The following ULK4 variants were observed in gnomAD, a reference collection of about 807,000 sequenced individuals.
ULK4 encodes unc-51 like kinase 4.
Under a neutral mutation model 160.6 loss-of-function variants are expected in ULK4, and 133 were observed. That is an observed-to-expected ratio of 0.83 (90% CI 0.72 to 0.96). The LOEUF is 0.96. Among genes scored for constraint, ULK4 ranks in the 40% least tolerant of loss-of-function variants. The pLI, the probability that ULK4 is intolerant of heterozygous loss-of-function variation, is 0.00. For synonymous variants in ULK4, 534 were observed against 539.8 expected (o/e 0.99, Z 0.15); for missense variants, 1,580 against 1,499.5 (o/e 1.05, Z -0.89).
At chr3:41,862,796 C>A (rs548870378) in intron 17 of ULK4, among the ~76,000 whole-genome samples, 16 of 151,248 alleles carry the variant, frequency 1.1e-4, no homozygotes, top group Admixed American at 4.6e-4. Flanking sequence ...CGCTCCCCCC[C>A]CCCTTTCTCT....
chr3:41,931,701 G>T, intron 5 of ULK4, 143 bp downstream of exon 5: 1 of 1,022,440 alleles, frequency 9.8e-7, no homozygotes. Flanking sequence ...CCATTCCTAT[G>T]CCCAGACTAT....
At chr3:41,745,200 T>C (rs1389588668) in intron 22 of ULK4, among the ~76,000 whole-genome samples, 1 of 150,516 alleles carries the variant, frequency 6.6e-6, no homozygotes, top group Non-Finnish European at 1.5e-5. Context: ...AATATAAAAA[T>C]CAGGGAATGG....
At chr3:41,690,670 T>C (rs1273060729) in intron 27 of ULK4, among the ~76,000 whole-genome samples, 1 of 151,634 alleles carries the variant, frequency 6.6e-6, no homozygotes, top group Non-Finnish European at 1.5e-5. Flanking sequence ...CCCATCCCCT[T>C]TCTTCATCCA....
chr3:41,396,365 AG>A (rs1023993968), intron 35 of ULK4, among the ~76,000 whole-genome samples: 24 of 152,254 alleles, frequency 1.6e-4, no homozygotes, highest in African/African-American at 5.8e-4. Flanking sequence ...TGAGTTTCAA[AG>A]AGACTGTAGA....
At chr3:41,359,570 A>G (rs1259594113) in intron 35 of ULK4, among the ~76,000 whole-genome samples, 1 of 152,216 alleles carries the variant, frequency 6.6e-6, no homozygotes, top group African/African-American at 2.4e-5. Context: ...CCAAGGACTA[A>G]GAACTGATCA....
At chr3:41,416,152 T>C (rs905014545) in intron 34 of ULK4, among the ~76,000 whole-genome samples, 1 of 152,192 alleles carries the variant, frequency 6.6e-6, no homozygotes, top group Non-Finnish European at 1.5e-5. Context: ...GATTTGGGTC[T>C]AGGACAAGAG....
At chr3:41,649,497 C>T (rs1034282504) in intron 30 of ULK4, among the ~76,000 whole-genome samples, 13 of 152,320 alleles carry the variant, frequency 8.5e-5, no homozygotes, top group African/African-American at 2.9e-4. Context: ...GAAGTGCCTG[C>T]TCCTGCTCCC....
At chr3:41,294,097 C>G (rs2079624096) in intron 35 of ULK4, among the ~76,000 whole-genome samples, 2 of 152,168 alleles carry the variant, frequency 1.3e-5, no homozygotes. Context: ...CCCCAAAATA[C>G]GTGTTGGACA....
At chr3:41,823,109 C>A (rs76801930) in intron 18 of ULK4, among the ~76,000 whole-genome samples, 339 of 152,112 alleles carry the variant, frequency 2.2e-3, no homozygotes, top group African/African-American at 8.0e-3. Flanking sequence ...TAAGAGGTTG[C>A]AGAAAGACTG....
intron 35 of ULK4, among the ~76,000 whole-genome samples, chr3:41,310,033 C>G (rs1455990546): frequency 2.0e-5 from 3 of 152,174 alleles, no homozygotes; most frequent in Non-Finnish European, 2.9e-5. Flanking sequence ...TGGGAGAAGG[C>G]TAGAAACCTT....
chr3:41,531,493 G>GAGAAGA (rs1378245209), intron 32 of ULK4, among the ~76,000 whole-genome samples: 1 of 136,148 alleles, frequency 7.3e-6, no homozygotes, highest in South Asian at 2.3e-4. Context: ...GAGGAGAGGA[G>GAGAAGA]AGAAGAAGAA....
At chr3:41,669,229 C>A (rs947641060) in intron 29 of ULK4, among the ~76,000 whole-genome samples, 1 of 152,112 alleles carries the variant, frequency 6.6e-6, no homozygotes, top group African/African-American at 2.4e-5. Context: ...TATTAAATAC[C>A]TTTAAAATGC....
chr3:41,856,621 A>G (rs1318500814), intron 17 of ULK4, among the ~76,000 whole-genome samples: 6 of 122,878 alleles, frequency 4.9e-5, no homozygotes, highest in Non-Finnish European at 6.4e-5. Flanking sequence ...ATATACACAT[A>G]TATATATATG....
Position 41,295,757 on chromosome 3 carries a change from A to C in ULK4, c.3679-46183T>G, listed in dbSNP as rs73083818. On this transcript the variant is annotated intron_variant, in intron 35 of 36. Transcript: ENST00000301831. ...ACTACACACCTTTTAGAATGGCCCA[A>C]ATCTGGAATATTGACACATCAAATG... 2.4e-5 allele frequency among the ~76,000 whole-genome samples: 2 copies of C among 82,684 alleles called. 1 individual carries two copies. The highest frequency in any genetic ancestry group is 6.1e-5 in the Non-Finnish European group (2 of 32,940). The allele number at this position is 82,684 out of a possible 152,430, so 54.2% of individuals were successfully genotyped here.
intron 17 of ULK4, among the ~76,000 whole-genome samples, chr3:41,840,610 G>C (rs966520366): frequency 6.6e-6 from 1 of 152,238 alleles, no homozygotes; most frequent in African/African-American, 2.4e-5. Flanking sequence ...TCCTGACCTC[G>C]AGTGGTCTGC....
chr3:41,621,614 C>T (rs375736020), intron 30 of ULK4, among the ~76,000 whole-genome samples: 1 of 152,080 alleles, frequency 6.6e-6, no homozygotes, highest in African/African-American at 2.4e-5. Context: ...AAAATTAACT[C>T]GAGATGGACT....
chr3:41,379,652 A>C (rs1452875545), intron 35 of ULK4, among the ~76,000 whole-genome samples: 3 of 152,164 alleles, frequency 2.0e-5, no homozygotes, highest in African/African-American at 7.2e-5. Flanking sequence ...CATCTCCTAA[A>C]TGTTCTAAGC....
chr3:41,607,309 C>T (rs2032428584), intron 31 of ULK4, among the ~76,000 whole-genome samples: 1 of 152,084 alleles, frequency 6.6e-6, no homozygotes, highest in Non-Finnish European at 1.5e-5. Context: ...TATGAAGCCA[C>T]AAATGTATAA....
At chr3:41,620,995 G>A (rs1167069962) in intron 30 of ULK4, among the ~76,000 whole-genome samples, 5 of 152,118 alleles carry the variant, frequency 3.3e-5, no homozygotes, top group South Asian at 2.1e-4. Flanking sequence ...GCCAAATCAT[G>A]AATGAACTCT....
Sources: allele counts gnomAD v4.1 joint callset (sites outside exome capture counted in the v4.1 genomes callset), GRCh38; gene constraint gnomAD v4.1.1; transcripts MANE v1.5; gene names NCBI Gene and HGNC (gene_info 2026-07-23, HGNC 2026-07-21).